The following NUDT6 variants were observed in gnomAD, a reference collection of about 807,000 sequenced individuals.
NUDT6 encodes the protein FAD diphosphatase NUDT6.
A neutral mutation model predicts 36.8 loss-of-function variants in NUDT6; 24 were observed. The observed-to-expected ratio is 0.65, with a 90% CI of 0.47 to 0.92. The LOEUF is 0.92. NUDT6 is among the 40% of genes least tolerant of loss of function. The probability of loss-of-function intolerance (pLI) is 0.00; values close to 1 mark genes in which losing one functional copy is unlikely to be tolerated. For missense variants in NUDT6, 388 were observed against 392.8 expected, an observed-to-expected ratio of 0.99 and a Z score of 0.10; for synonymous variants, 163 against 157.0, an observed-to-expected ratio of 1.04 and a Z score of -0.29.
At chr4:122,893,352 C>CTTTGTT (rs1727249182) in intron 4 of NUDT6, 127 bp from the exon 5 acceptor site, 12 of 858,248 alleles carry the variant, frequency 1.4e-5, no homozygotes, top group Admixed American at 1.3e-4. Context: ...GTAAAGTTTT[C>CTTTGTT]AATACAAATT....
chr4:122,900,046 G>GCC, intron 3 of NUDT6, among the ~76,000 whole-genome samples: 1 of 104,322 alleles, frequency 9.6e-6, no homozygotes, highest in Non-Finnish European at 1.9e-5. Flanking sequence ...ACATGGTCAT[G>GCC]CACCCCCGCC....
chr4:122,918,607 T>C (rs1479470104), intron 1 of NUDT6: 2 of 152,212 alleles, frequency 1.3e-5, no homozygotes, highest in Non-Finnish European at 2.9e-5. Context: ...GTTGATTATA[T>C]ATCAAATAGT....
chr4:122,895,803 A>G (rs1228075281), intron 4 of NUDT6: 1 of 152,238 alleles, frequency 6.6e-6, no homozygotes, highest in African/African-American at 2.4e-5. Context: ...CCAGTTAACT[A>G]GGGTTTACTG....
rs766064241 is a variant in NUDT6 at position 122,922,569 on chromosome 4, G to A, written c.4C>T (p.Arg2Trp). 6.3e-7 allele frequency: 1 copy of A among 1,592,504 alleles called. No individual in the cohort carries two copies. Among genetic ancestry groups the A allele is most frequent in the East Asian group, 2.2e-5 (1 of 44,658 alleles). M[R>W]QPLSWGRWRA... ...CAGCGGCCCCAGCTCAGTGGCTGCC[G>A]CATCTCCACGCCGCTTAATTCGTCC... is the stretch of plus-strand genomic sequence containing the variant. The change falls in exon 1 of 5, where the codon CGG becomes TGG. Residue 2 changes from arginine to tryptophan, a missense_variant. By Grantham distance (101) the Arg-to-Trp change is moderately radical. Coordinates refer to ENST00000304430, the MANE Select transcript of NUDT6 (RefSeq NM_007083.5).
chr4:122,914,610 C>T (rs1319274640), intron 2 of NUDT6, among the ~76,000 whole-genome samples: 1 of 152,160 alleles, frequency 6.6e-6, no homozygotes. Flanking sequence ...ATATGAGTGT[C>T]TGGCTTCATA....
In NUDT6 at chr4:122,893,070, T is replaced by C. The variant is rs755045449; in HGVS notation, c.709A>G (p.Asn237Asp). 6.2e-7 allele frequency: 1 copy of C among 1,614,100 alleles called. No homozygotes were observed. Among genetic ancestry groups the C allele is most frequent in the Non-Finnish European group, 8.5e-7 (1 of 1,180,036 alleles). ...CRLKPYSFTI[N>D]FCQEECLRCE... Reference sequence around the variant, plus strand: ...CTTAAGCATTCTTCCTGGCAAAAATTTATGGTGAATGAATATGGCTTTAGG... The same window carrying C: ...CTTAAGCATTCTTCCTGGCAAAAATCTATGGTGAATGAATATGGCTTTAGG... Residue 237 changes from asparagine to aspartate, a missense_variant, in exon 5 of 5, where the codon AAT becomes GAT. By Grantham distance (23) the Asn-to-Asp change is conservative. Coordinates refer to ENST00000304430, the MANE Select transcript of NUDT6 (RefSeq NM_007083.5).
At chr4:122,915,657 T>C (rs955607920) in intron 2 of NUDT6, among the ~76,000 whole-genome samples, 1 of 152,136 alleles carries the variant, frequency 6.6e-6, no homozygotes, top group African/African-American at 2.4e-5. Context: ...ATATACAATA[T>C]AGTACTTAGT....
chr4:122,922,342 G>T lies in NUDT6; in HGVS notation c.231C>A (p.Gly77=), dbSNP rs373683874. The T allele has an allele frequency of 4.4e-6, 7 of 1,599,870 alleles. No homozygotes were observed. In the African/African-American group the frequency reaches 8.0e-5, roughly 18 times the overall value. ...CGTCCCAGGCGCACTTGCCCTGCAA[G>T]CCCTTCTGGAAGGCGGCAGCGTCCA... is the stretch of plus-strand genomic sequence containing the variant. ...DRLDAAAFQK[G]LQAAVQQWRS... The change falls in exon 1 of 5, where the codon GGC becomes GGA. Residue 77 remains glycine, a synonymous_variant. Transcript: ENST00000304430.
intron 2 of NUDT6, among the ~76,000 whole-genome samples, chr4:122,917,120 C>T (rs1727860953): frequency 1.3e-5 from 2 of 152,120 alleles, no homozygotes; most frequent in African/African-American, 4.8e-5. Flanking sequence ...CAGGTGAATA[C>T]AAAAGGGTGA....
At chr4:122,899,950 C>T (rs575694394) in intron 3 of NUDT6, among the ~76,000 whole-genome samples, 1 of 152,008 alleles carries the variant, frequency 6.6e-6, no homozygotes, top group African/African-American at 2.4e-5. Context: ...GCAGTAGCCA[C>T]GGCCCTGACA....
chr4:122,905,667 T>C (rs1199793213), intron 3 of NUDT6, among the ~76,000 whole-genome samples: 1 of 152,192 alleles, frequency 6.6e-6, no homozygotes, highest in East Asian at 1.9e-4. Context: ...CGAGAGGTCA[T>C]CTCTCATTCA....
chr4:122,914,135 T>G (rs906560967), intron 2 of NUDT6, among the ~76,000 whole-genome samples: 2 of 152,120 alleles, frequency 1.3e-5, no homozygotes, highest in African/African-American at 4.8e-5. Flanking sequence ...AAAAAATAAA[T>G]TATATAGAAT....
At chr4:122,915,743 A>ATCTT (rs1229172342) in intron 2 of NUDT6, among the ~76,000 whole-genome samples, 1 of 152,138 alleles carries the variant, frequency 6.6e-6, no homozygotes, top group Non-Finnish European at 1.5e-5. Flanking sequence ...AACTCTTAAG[A>ATCTT]GTCTGTGCCC....
At position 122,922,492 on chromosome 4, in the gene NUDT6, G is replaced by A; in HGVS notation, c.81C>T (p.Arg27=). The A allele has an allele frequency of 6.2e-7, 1 of 1,610,866 alleles. No individual in the cohort carries two copies. The highest frequency in any genetic ancestry group is 8.5e-7 in the Non-Finnish European group (1 of 1,179,764). The change falls in exon 1 of 5, where the codon CGC becomes CGT. Residue 27 remains arginine, a synonymous_variant. Coordinates refer to ENST00000304430, the MANE Select transcript of NUDT6 (RefSeq NM_007083.5). ...TYGPGPSAGY[R]WASGAQGYVR... ...CGTAACCCTGTGCGCCCGAGGCCCA[G>A]CGGTAACCCGCCGAAGGCCCGGGGC...
chr4:122,895,103 G>A (rs1277249781), intron 4 of NUDT6: 2 of 152,192 alleles, frequency 1.3e-5, no homozygotes, highest in African/African-American at 4.8e-5. Context: ...GGGCAAATAA[G>A]TGCTTTTGTC....
intron 2 of NUDT6, among the ~76,000 whole-genome samples, chr4:122,915,438 C>CCAG (rs1727809326): frequency 7.3e-6 from 1 of 136,660 alleles, no homozygotes; most frequent in African/African-American, 3.0e-5. Flanking sequence ...ACACTGCATT[C>CCAG]CAGCCTGGGT....
At chr4:122,917,749 G>A (rs1274962420) in intron 1 of NUDT6, 45 bp from the exon 2 acceptor site, 7 of 1,575,804 alleles carry the variant, frequency 4.4e-6, no homozygotes, top group Non-Finnish European at 6.1e-6. Flanking sequence ...AAAGAGACGA[G>A]TGGAATAAAT....
intron 3 of NUDT6, among the ~76,000 whole-genome samples, chr4:122,903,527 C>T (rs779692015): frequency 6.6e-6 from 1 of 152,156 alleles, no homozygotes; most frequent in Non-Finnish European, 1.5e-5. Context: ...GGGGTGGGGC[C>T]TGAGAATTTG....
chr4:122,906,181 A>AT (rs1423128004), intron 3 of NUDT6, among the ~76,000 whole-genome samples: 1 of 152,006 alleles, frequency 6.6e-6, no homozygotes, highest in African/African-American at 2.4e-5. Context: ...TCTAGGCCTG[A>AT]TTTTCAATAT....
Sources: gnomAD v4.1 joint callset for allele counts (sites outside exome capture counted in the v4.1 genomes callset) on GRCh38, gnomAD v4.1.1 for gene constraint, MANE v1.5 for transcripts, NCBI Gene and HGNC (gene_info 2026-07-23, HGNC 2026-07-21) for gene names.